Variants in DDX19B observed in about 807,000 individuals in gnomAD.
DDX19B encodes the protein ATP-dependent RNA helicase DDX19B.
DDX19B carries 27 observed loss-of-function variants against 58.1 expected under a neutral mutation model. The observed-to-expected ratio is 0.46, with a 90% CI of 0.34 to 0.64. The LOEUF (loss-of-function observed/expected upper bound fraction) is 0.64, where lower values mean the gene tolerates loss of function less well. Among genes scored for constraint, DDX19B ranks in the 30% least tolerant of loss-of-function variants. DDX19B has a pLI of 0.01. For synonymous variants in DDX19B, 187 were observed against 214.4 expected (o/e 0.87, Z 1.12); for missense variants, 399 against 596.5 (o/e 0.67, Z 3.45).
At chr16:70,317,703 C>A in intron 5 of DDX19B, 115 bp downstream of exon 5, 1 of 815,890 alleles carries the variant, frequency 1.2e-6, no homozygotes, top group Non-Finnish European at 1.9e-6. Flanking sequence ...ACCTGAGAGG[C>A]AAGGCAGGAG....
At chr16:70,317,100 C>G (rs1203906181) in intron 4 of DDX19B, among the ~76,000 whole-genome samples, 5 of 149,968 alleles carry the variant, frequency 3.3e-5, no homozygotes, top group Non-Finnish European at 5.9e-5. Context: ...ACCAGGTACT[C>G]AGGAGGTTGA....
intron 1 of DDX19B, among the ~76,000 whole-genome samples, chr16:70,302,746 G>C (rs1354268907): frequency 6.6e-6 from 1 of 152,116 alleles, no homozygotes; most frequent in Non-Finnish European, 1.5e-5. Context: ...ATTTCTCTTG[G>C]GTAAAGTCAA....
At chr16:70,293,597 A>ATTTTTTTTTTTTTTTTTTTTTTTTTTTT (rs71151182), upstream of DDX19B, among the ~76,000 whole-genome samples, 39 of 77,016 alleles carry the variant, frequency 5.1e-4, 5 homozygotes, top group African/African-American at 1.3e-3. Flanking sequence ...GGATGGCTGA[A>ATTTTTTTTTTTTTTTTTTTTTTTTTTTT]TTTTTTTTTT....
At chr16:70,297,541 A>G (rs1032089782), upstream of DDX19B, among the ~76,000 whole-genome samples, 4 of 152,128 alleles carry the variant, frequency 2.6e-5, no homozygotes, top group African/African-American at 9.7e-5. Flanking sequence ...TTATTGTTGT[A>G]TAATATTGGC....
At position 70,310,501 on chromosome 16, in the gene DDX19B, C is replaced by G. The variant is rs1962025097; in HGVS notation, c.58-2108C>G. 2.0e-5 allele frequency among the ~76,000 whole-genome samples: 3 copies of G among 152,072 alleles called. No individual in the cohort carries two copies. In the South Asian group the frequency reaches 6.2e-4, roughly 31 times the overall value. On this transcript the variant is annotated intron_variant, in intron 1 of 11. Coordinates refer to ENST00000288071, the MANE Select transcript of DDX19B (RefSeq NM_007242.7). ...AGGCTTCAATGAGCCATGATCATGC[C>G]ACTGCACCACTCCAGCCTGGCCAAC...
At chr16:70,294,849 G>T, upstream of DDX19B, 1 of 1,519,710 alleles carries the variant, frequency 6.6e-7, no homozygotes, top group Non-Finnish European at 8.8e-7. Flanking sequence ...AGCCGCGATG[G>T]CTGGGGCTGC....
At chr16:70,322,703 C>T (rs1962906278) in intron 5 of DDX19B, among the ~76,000 whole-genome samples, 3 of 151,726 alleles carry the variant, frequency 2.0e-5, no homozygotes. Flanking sequence ...ACCAGCCTGG[C>T]CAACATGGTG....
At chr16:70,312,875 G>T (rs1962163380) in intron 2 of DDX19B, among the ~76,000 whole-genome samples, 1 of 152,100 alleles carries the variant, frequency 6.6e-6, no homozygotes, top group African/African-American at 2.4e-5. Flanking sequence ...ACAGGGTCTT[G>T]CTCTGTTGCC....
intron 10 of DDX19B, among the ~76,000 whole-genome samples, chr16:70,332,593 A>G (rs373881983): frequency 1.3e-5 from 2 of 151,954 alleles, no homozygotes; most frequent in East Asian, 3.9e-4. Flanking sequence ...GAGCCACCGC[A>G]CTCGGCCCCC....
At chr16:70,330,952 G>A (rs898792775) in intron 9 of DDX19B, among the ~76,000 whole-genome samples, 2 of 152,136 alleles carry the variant, frequency 1.3e-5, no homozygotes, top group African/African-American at 4.8e-5. Context: ...GGCTCAGATG[G>A]GAGGATTGAT....
At chr16:70,291,472 C>A (rs908560930), upstream of DDX19B, among the ~76,000 whole-genome samples, 2 of 152,136 alleles carry the variant, frequency 1.3e-5, no homozygotes, top group Non-Finnish European at 2.9e-5. Context: ...AGAGTTGTTA[C>A]TAGGATAGTA....
chr16:70,323,077 T>C (rs1962935908), intron 5 of DDX19B, among the ~76,000 whole-genome samples: 6 of 152,058 alleles, frequency 3.9e-5, no homozygotes, highest in Non-Finnish European at 1.5e-5. Context: ...TTTGGCCTGC[T>C]GCGGCTGCTC....
At chr16:70,307,068 C>T (rs2152189170) in intron 1 of DDX19B, among the ~76,000 whole-genome samples, 1 of 152,284 alleles carries the variant, frequency 6.6e-6, no homozygotes, top group Admixed American at 6.5e-5. Context: ...CTTATTGTTG[C>T]CAAATAATAT....
At chr16:70,327,772 C>T (rs1377602639) in intron 7 of DDX19B, among the ~76,000 whole-genome samples, 6 of 152,086 alleles carry the variant, frequency 3.9e-5, no homozygotes, top group Non-Finnish European at 1.5e-5. Flanking sequence ...GCTATTGACT[C>T]TGGGGCTTAT....
intron 5 of DDX19B, among the ~76,000 whole-genome samples, chr16:70,324,131 T>C (rs1051641753): frequency 1.3e-5 from 2 of 151,998 alleles, no homozygotes; most frequent in Admixed American, 1.3e-4. Context: ...GGGTTTCAAC[T>C]TGTACTCTGA....
intron 5 of DDX19B, 46 bp from the exon 6 acceptor site, chr16:70,324,539 T>TA: frequency 1.3e-6 from 2 of 1,557,482 alleles, no homozygotes; most frequent in Non-Finnish European, 1.8e-6. Context: ...CTTTGTTAAC[T>TA]AAAAGGTTGA....
intron 4 of DDX19B, among the ~76,000 whole-genome samples, chr16:70,317,079 G>T (rs1006184454): frequency 2.6e-5 from 4 of 152,034 alleles, no homozygotes; most frequent in Admixed American, 2.0e-4. Context: ...ATGTTGGCGG[G>T]TGCCTGTAGT....
intron 1 of DDX19B, among the ~76,000 whole-genome samples, chr16:70,300,231 G>A (rs1487715633): frequency 1.3e-5 from 2 of 151,232 alleles, no homozygotes; most frequent in African/African-American, 2.4e-5. Context: ...TTGGAGACAG[G>A]GTCACACTCT....
At chr16:70,295,213 A>G (rs1026171868), upstream of DDX19B, 4 of 536,032 alleles carry the variant, frequency 7.5e-6, no homozygotes, top group Non-Finnish European at 1.1e-5. Context: ...GTTCCTTCTT[A>G]GCCGGAGTCT....
Sources: gnomAD v4.1 joint callset for allele counts (sites outside exome capture counted in the v4.1 genomes callset) on GRCh38, gnomAD v4.1.1 for gene constraint, MANE v1.5 for transcripts, NCBI Gene and HGNC (gene_info 2026-07-23, HGNC 2026-07-21) for gene names.